The following PPM1H variants were observed in gnomAD, a reference collection of about 807,000 sequenced individuals.
PPM1H encodes protein phosphatase, Mg2+/Mn2+ dependent 1H.
In PPM1H, 27 loss-of-function variants were observed where a neutral mutation model predicts 54.9. The observed-to-expected ratio is 0.49, with a 90% CI of 0.36 to 0.68. PPM1H has a LOEUF of 0.68. Ranked by LOEUF, PPM1H falls within the 30% of genes least tolerant of loss-of-function variation. The pLI, the probability that PPM1H is intolerant of heterozygous loss-of-function variation, is 0.00. For synonymous variants in PPM1H, 305 were observed against 270.8 expected (o/e 1.13, Z -1.24); for missense variants, 596 against 667.8 (o/e 0.89, Z 1.19).
intron 4 of PPM1H, among the ~76,000 whole-genome samples, chr12:62,764,282 T>C (rs900204261): frequency 1.3e-5 from 2 of 152,108 alleles, no homozygotes; most frequent in Non-Finnish European, 2.9e-5. Flanking sequence ...TTATGTCCTA[T>C]ATTGCCAGGA....
intron 4 of PPM1H, among the ~76,000 whole-genome samples, chr12:62,765,752 G>A (rs2076538941): frequency 6.6e-6 from 1 of 152,196 alleles, no homozygotes; most frequent in East Asian, 1.9e-4. Flanking sequence ...TGGGATGGAG[G>A]AGTCAGGGAA....
chr12:62,886,044 C>T (rs957816609), intron 1 of PPM1H, among the ~76,000 whole-genome samples: 1 of 152,206 alleles, frequency 6.6e-6, no homozygotes, highest in Admixed American at 6.5e-5. Flanking sequence ...ATAACCCTTA[C>T]AAAAAGGCTA....
intron 1 of PPM1H, among the ~76,000 whole-genome samples, chr12:62,873,941 C>T (rs1382168928): frequency 6.6e-6 from 1 of 152,102 alleles, no homozygotes; most frequent in Non-Finnish European, 1.5e-5. Flanking sequence ...CTTAGGCATG[C>T]AGTCAACCAA....
intron 2 of PPM1H, among the ~76,000 whole-genome samples, chr12:62,816,734 T>G (rs1277025700): frequency 1.3e-5 from 2 of 149,176 alleles, no homozygotes; most frequent in Admixed American, 6.8e-5. Context: ...TGGTTTTGGT[T>G]TTTTTTTTTA....
intron 2 of PPM1H, among the ~76,000 whole-genome samples, chr12:62,826,010 T>C (rs553217791): frequency 6.6e-6 from 1 of 152,150 alleles, no homozygotes; most frequent in Non-Finnish European, 1.5e-5. Flanking sequence ...ACAGTTATAT[T>C]ATTTTCTCTA....
chr12:62,693,815 A>G (rs547905568), intron 7 of PPM1H, 121 bp downstream of exon 7: 5 of 854,714 alleles, frequency 5.8e-6, no homozygotes, highest in Non-Finnish European at 7.4e-6. Context: ...TATGCTTTCA[A>G]GCTGTCAAGG....
intron 4 of PPM1H, among the ~76,000 whole-genome samples, chr12:62,751,241 A>G (rs2076440754): frequency 6.6e-6 from 1 of 152,180 alleles, no homozygotes; most frequent in Non-Finnish European, 1.5e-5. Context: ...CCCTTGTTTG[A>G]TTTGTGTCTG....
In PPM1H at chr12:62,788,347, T is replaced by C. The variant is rs1184222182; in HGVS notation, c.757-9A>G. 2 of 1,486,932 alleles carry C rather than the reference T, an allele frequency of 1.3e-6. No individual in the cohort carries two copies. Among genetic ancestry groups the C allele is most frequent in the South Asian group, 1.2e-5 (1 of 83,158 alleles). 92.1% of individuals were successfully genotyped at this position (1,486,932 alleles called of 1,614,324 possible). ...CGTTCTATCTGTAGGTCCTGGAGAA[T>C]AAAACAGAGTTAGTGTTGGATTGTG... On this transcript the variant is annotated splice_polypyrimidine_tract_variant and intron_variant, in intron 3 of 9. Coordinates refer to ENST00000228705, the MANE Select transcript of PPM1H (RefSeq NM_020700.2).
At chr12:62,872,531 A>C (rs1870023135) in intron 1 of PPM1H, among the ~76,000 whole-genome samples, 1 of 152,242 alleles carries the variant, frequency 6.6e-6, no homozygotes, top group African/African-American at 2.4e-5. Context: ...GTCTACTCAG[A>C]TGGTGTTAGC....
chr12:62,879,251 C>T lies in PPM1H; in HGVS notation c.246-46972G>A, dbSNP rs1053428099. 5.3e-5 allele frequency among the ~76,000 whole-genome samples: 8 copies of T among 152,244 alleles called. No individual in the cohort carries two copies. In the South Asian group the frequency reaches 6.2e-4, roughly 12 times the overall value. ...CTCTCCTCCTCAAAATAGATGTAAACGATATGAATAAACCAGGGGTTCAAT... is the reference window on the plus strand; with the variant it reads ...CTCTCCTCCTCAAAATAGATGTAAATGATATGAATAAACCAGGGGTTCAAT... On this transcript the variant is annotated intron_variant, in intron 1 of 9. Transcript: ENST00000228705.
At chr12:62,805,055 G>A (rs1450872786) in intron 2 of PPM1H, among the ~76,000 whole-genome samples, 2 of 152,084 alleles carry the variant, frequency 1.3e-5, no homozygotes, top group East Asian at 3.9e-4. Flanking sequence ...ACGGACAAAG[G>A]ATCTGAATAG....
chr12:62,719,451 C>A (rs986870073), intron 6 of PPM1H, among the ~76,000 whole-genome samples: 1 of 152,140 alleles, frequency 6.6e-6, no homozygotes, highest in Non-Finnish European at 1.5e-5. Context: ...CCAGGCACTG[C>A]GCTCTCATTT....
At chr12:62,795,440 A>AATAT (rs151199970) in intron 3 of PPM1H, among the ~76,000 whole-genome samples, 38 of 148,946 alleles carry the variant, frequency 2.6e-4, no homozygotes, top group East Asian at 1.4e-3. Context: ...CCCCAGATAA[A>AATAT]ATATATATAT....
At chr12:62,857,496 A>T (rs1839528032) in intron 1 of PPM1H, among the ~76,000 whole-genome samples, 1 of 152,200 alleles carries the variant, frequency 6.6e-6, no homozygotes. Flanking sequence ...AATAGGTAAG[A>T]TTATAAATCA....
At position 62,647,164 on chromosome 12, in the gene PPM1H, G is replaced by A. The variant is rs763539064; in HGVS notation, c.*1325C>T. On this transcript the variant is annotated 3_prime_UTR_variant, in exon 10 of 10. Transcript: ENST00000228705. Reference sequence around the variant, plus strand: ...AGCAGGTAGATATGGCATGCACTGTGCCTGCTGCTGCTGCTCTTGTGGCGA... The same window carrying A: ...AGCAGGTAGATATGGCATGCACTGTACCTGCTGCTGCTGCTCTTGTGGCGA... 5 of 152,238 alleles carry A rather than the reference G, an allele frequency of 3.3e-5. No homozygotes were observed. Among genetic ancestry groups the A allele is most frequent in the Non-Finnish European group, 7.3e-5 (5 of 68,084 alleles). 9.4% of individuals were successfully genotyped at this position (152,238 alleles called of 1,614,324 possible).
rs115144341 is a variant in PPM1H, at chr12:62,917,103, A to G, written c.245+17389T>C. ...ATGTGAATTTTCAAAACCAAACCTC[A>G]AGCAAGCCTCTGCGTCCTTTACTCA... On this transcript the variant is annotated intron_variant, in intron 1 of 9. Coordinates refer to ENST00000228705, the MANE Select transcript of PPM1H (RefSeq NM_020700.2). Among the ~76,000 whole-genome samples the G allele has an allele frequency of 2.0e-3, 305 of 152,366 alleles. 2 individuals carry two copies. Among genetic ancestry groups the G allele is most frequent in the African/African-American group, 7.1e-3 (294 of 41,588 alleles).
rs376088448 is a variant in PPM1H at position 62,906,731 on chromosome 12, A to T, written c.245+27761T>A. ...AAGGTAGAGGCAACAATAGAAGAAG[A>T]TATGAGATAAAAATGCTACACAGTT... On this transcript the variant is annotated intron_variant, in intron 1 of 9. Coordinates refer to ENST00000228705, the MANE Select transcript of PPM1H (RefSeq NM_020700.2). Among the ~76,000 whole-genome samples the T allele has an allele frequency of 4.2e-3, 637 of 152,346 alleles. 3 individuals are homozygous for T. The highest frequency in any genetic ancestry group is 0.014 in the African/African-American group (589 of 41,582).
chr12:62,717,711 G>T (rs149991111), intron 6 of PPM1H, among the ~76,000 whole-genome samples: 104 of 152,174 alleles, frequency 6.8e-4, no homozygotes, highest in Admixed American at 3.3e-4. Flanking sequence ...AGCTTCCAGG[G>T]TTTGGAGAAA....
chr12:62,744,470 CAAAAA>C (rs35852199), intron 4 of PPM1H, among the ~76,000 whole-genome samples: 1 of 88,172 alleles, frequency 1.1e-5, no homozygotes, highest in Non-Finnish European at 2.4e-5. Context: ...GACTCTGTCT[CAAAAA>C]AAAAAAAAAA....
Sources: allele counts gnomAD v4.1 joint callset (sites outside exome capture counted in the v4.1 genomes callset), GRCh38; gene constraint gnomAD v4.1.1; transcripts MANE v1.5; gene names NCBI Gene and HGNC (gene_info 2026-07-23, HGNC 2026-07-21).